The following FRS2 variants were observed in gnomAD, a reference collection of about 807,000 sequenced individuals.
FRS2 encodes fibroblast growth factor receptor substrate 2.
Under a neutral mutation model 43.9 loss-of-function variants are expected in FRS2, and 8 were observed. That is an observed-to-expected ratio of 0.18 (90% confidence interval 0.11 to 0.33). The LOEUF (loss-of-function observed/expected upper bound fraction) is 0.33. Ranked by LOEUF, FRS2 falls within the 10% of genes least tolerant of loss-of-function variation. The probability of loss-of-function intolerance (pLI) is 1.00; values close to 1 mark genes in which losing one functional copy is unlikely to be tolerated. For synonymous variants in FRS2, 219 were observed against 220.3 expected, an observed-to-expected ratio of 0.99 and a Z score of 0.05; for missense variants, 534 against 627.6, an observed-to-expected ratio of 0.85 and a Z score of 1.59.
At chr12:69,542,993 A>G (rs1593022188) in intron 3 of FRS2, among the ~76,000 whole-genome samples, 1 of 152,368 alleles carries the variant, frequency 6.6e-6, no homozygotes, top group Middle Eastern at 3.4e-3. Context: ...TATAATAACT[A>G]TAATGCAAAT....
chr12:69,501,890 G>A (rs573260865), intron 1 of FRS2, among the ~76,000 whole-genome samples: 3 of 152,248 alleles, frequency 2.0e-5, no homozygotes, highest in African/African-American at 7.2e-5. Context: ...TTACTAGACA[G>A]CATTAGCGTA....
In FRS2 at chr12:69,572,294, T is replaced by A; in HGVS notation, c.576+13T>A. On this transcript the variant is annotated intron_variant, in intron 8 of 8. Coordinates refer to ENST00000549921, the MANE Select transcript of FRS2 (RefSeq NM_001278356.2). ...GGCTGAGGAACAAGTAAGCATGTGC[T>A]ACTGTGTAACAGCAATAATGATTGT... 6.2e-7 allele frequency: 1 copy of A among 1,603,196 alleles called. No homozygotes were observed. Among genetic ancestry groups the A allele is most frequent in the Non-Finnish European group, 8.5e-7 (1 of 1,170,690 alleles).
chr12:69,527,845 A>G (rs1876411296), intron 1 of FRS2, among the ~76,000 whole-genome samples: 2 of 152,224 alleles, frequency 1.3e-5, no homozygotes, highest in African/African-American at 4.8e-5. Flanking sequence ...GTTCTCTCCA[A>G]CTTTCCAAAC....
At chr12:69,522,526 A>AT (rs1875787309) in intron 1 of FRS2, among the ~76,000 whole-genome samples, 1 of 151,630 alleles carries the variant, frequency 6.6e-6, no homozygotes. Flanking sequence ...CTATCTATTA[A>AT]TTTTTTTCAA....
chr12:69,491,294 C>T lies in FRS2; in HGVS notation c.-261+20764C>T, dbSNP rs143576650. On this transcript the variant is annotated intron_variant, in intron 1 of 8. Coordinates refer to ENST00000549921, the MANE Select transcript of FRS2 (RefSeq NM_001278356.2). ...TATTTTTTATAAAGACGAGGTTTTG[C>T]CATGTTGTCCAGGCTGCTCTCAAAC... Among the ~76,000 whole-genome samples, 558 of 152,078 alleles carry T rather than the reference C, an allele frequency of 3.7e-3. 1 individual carries two copies. Among genetic ancestry groups the T allele is most frequent in the African/African-American group, 0.013 (534 of 41,480 alleles).
rs1322552782 is a variant in FRS2 at position 69,578,545 on chromosome 12, A to T, written c.*3590A>T. On this transcript the variant is annotated 3_prime_UTR_variant, in exon 9 of 9. Transcript: ENST00000549921. ...AACACAGTTCTTTTGTAGCATCATT[A>T]TAATTGCAGTTCTATGGCAATTGGA... The T allele has an allele frequency of 6.6e-6, 1 of 152,558 alleles. No homozygotes were observed. The highest frequency in any genetic ancestry group is 1.5e-5 in the Non-Finnish European group (1 of 68,020). 9.5% of individuals were successfully genotyped at this position (152,558 alleles called of 1,614,324 possible).
chr12:69,527,404 T>C (rs1287500939), intron 1 of FRS2, among the ~76,000 whole-genome samples: 1 of 136,840 alleles, frequency 7.3e-6, no homozygotes, highest in African/African-American at 2.7e-5. Flanking sequence ...AGCTGGACTC[T>C]AACTCGTGGG....
At chr12:69,570,576 T>A (rs1240997639) in intron 6 of FRS2, 59 bp downstream of exon 6, 2 of 994,656 alleles carry the variant, frequency 2.0e-6, no homozygotes, top group Admixed American at 4.4e-5. Context: ...TCAGCTATTC[T>A]GTATACAAAG....
rs894438909 is a variant in FRS2 at position 69,574,952 on chromosome 12, G to A, written c.1524G>A (p.Met508Ile). 2 of 1,588,610 alleles carry A rather than the reference G, an allele frequency of 1.3e-6. No individual in the cohort carries two copies. The highest frequency in any genetic ancestry group is 1.3e-5 in the African/African-American group (1 of 74,402). The change falls in exon 9 of 9, where the codon ATG (methionine) becomes ATA (isoleucine). Residue 508 changes from methionine (M) to isoleucine (I), a missense_variant. Around this residue, in one of 3 missense-constraint regions of FRS2, gnomAD observed 446 missense variants for 494.2 expected, o/e 0.90. Transcript: ENST00000549921. Reference sequence around the variant, plus strand: ...GACACAATAGTACTGATCTGCCCATGTGAGCCTGGAAAGCATTGTGTTGTT... The same window carrying A: ...GACACAATAGTACTGATCTGCCCATATGAGCCTGGAAAGCATTGTGTTGTT... ...KTRHNSTDLPM is the reference protein window; with the variant it reads ...KTRHNSTDLPI
intron 1 of FRS2, among the ~76,000 whole-genome samples, chr12:69,481,281 A>ATT (rs5798935): frequency 1.4e-5 from 2 of 140,878 alleles, no homozygotes; most frequent in Non-Finnish European, 3.1e-5. Flanking sequence ...AAATTCCAGA[A>ATT]TTTTTTTTTT....
intron 1 of FRS2, among the ~76,000 whole-genome samples, chr12:69,528,998 G>T (rs189504053): frequency 1.4e-3 from 217 of 152,258 alleles, no homozygotes; most frequent in Non-Finnish European, 2.7e-3. Flanking sequence ...GGTAGATGAG[G>T]TAAGAGAGAT....
intron 1 of FRS2, among the ~76,000 whole-genome samples, chr12:69,482,159 A>T (rs1159071596): frequency 6.6e-6 from 1 of 152,136 alleles, no homozygotes. Context: ...GATACTTTGC[A>T]TAACTCTAGC....
At chr12:69,481,760 G>T (rs550701009) in intron 1 of FRS2, among the ~76,000 whole-genome samples, 3 of 152,144 alleles carry the variant, frequency 2.0e-5, no homozygotes, top group African/African-American at 7.2e-5. Flanking sequence ...TTTCAATTTG[G>T]ACTTGTCTGA....
chr12:69,478,879 TTAAG>T (rs1486381964), intron 1 of FRS2, among the ~76,000 whole-genome samples: 3 of 152,100 alleles, frequency 2.0e-5, no homozygotes, highest in Non-Finnish European at 4.4e-5. Flanking sequence ...GACATACTCT[TTAAG>T]TAACCGCCAT....
At chr12:69,557,547 T>C (rs1467525803) in intron 3 of FRS2, among the ~76,000 whole-genome samples, 1 of 152,046 alleles carries the variant, frequency 6.6e-6, no homozygotes, top group African/African-American at 2.4e-5. Context: ...TCCCTGTATA[T>C]GTTTTTATAC....
At position 69,574,180 on chromosome 12, in the gene FRS2, T is replaced by C; in HGVS notation, c.752T>C (p.Phe251Ser). 1 of 1,614,198 alleles carries C rather than the reference T, an allele frequency of 6.2e-7. No individual in the cohort carries two copies. The highest frequency in any genetic ancestry group is 8.5e-7 in the Non-Finnish European group (1 of 1,180,032). Residue 251 changes from phenylalanine (F) to serine (S), a missense_variant, in exon 9 of 9, where the codon TTT becomes TCT. Phe to Ser is a radical substitution (Grantham distance 155). Coordinates refer to ENST00000549921, the MANE Select transcript of FRS2 (RefSeq NM_001278356.2). ...CTTCTTGAACCTGAAGGAGTCAAAT[T>C]TGTTTTAGGGCCAACCCCTGTTCAA... ...QILLEPEGVK[F>S]VLGPTPVQKQ... is the part of the protein sequence containing the mutation.
intron 3 of FRS2, 129 bp from the exon 4 acceptor site, chr12:69,562,035 ATATGTTAAATACTTTT>A (rs1879921989): frequency 2.6e-6 from 1 of 383,758 alleles, no homozygotes; most frequent in Admixed American, 4.5e-5. Context: ...AATTGATGTT[ATATGTTAAATACTTTT>A]TATTCAATCT....
At chr12:69,498,145 A>G (rs1404944661) in intron 1 of FRS2, among the ~76,000 whole-genome samples, 1 of 152,170 alleles carries the variant, frequency 6.6e-6, no homozygotes, top group African/African-American at 2.4e-5. Flanking sequence ...GCATTATACT[A>G]TGTATTTTTA....
intron 1 of FRS2, among the ~76,000 whole-genome samples, chr12:69,497,874 AGAGTAGTAGTCT>A (rs1873052913): frequency 6.6e-6 from 1 of 152,340 alleles, no homozygotes; most frequent in East Asian, 1.9e-4. Context: ...AGTTTTGAGC[AGAGTAGTAGTCT>A]GATCTGGTAA....
Sources: gnomAD v4.1 joint callset for allele counts (sites outside exome capture counted in the v4.1 genomes callset) on GRCh38, gnomAD v4.1.1 for gene constraint, gnomAD v4.1.1 regional missense constraint, MANE v1.5 for transcripts, NCBI Gene and HGNC (gene_info 2026-07-23, HGNC 2026-07-21) for gene names.